Variants in GLIS3 observed in about 807,000 individuals in gnomAD.
GLIS3 encodes the protein GLIS family zinc finger 3.
In GLIS3, 53 loss-of-function variants were observed where a neutral mutation model predicts 78.6. The ratio of observed to expected loss-of-function variants is 0.67; its 90% CI spans 0.54 to 0.85. The LOEUF (loss-of-function observed/expected upper bound fraction) is 0.85, where lower values mean the gene tolerates loss of function less well. GLIS3 is among the 40% of genes least tolerant of loss of function. The probability of loss-of-function intolerance (pLI) is 0.00; values close to 1 mark genes in which losing one functional copy is unlikely to be tolerated. For missense variants in GLIS3, 1,703 were observed against 1,231.1 expected, an observed-to-expected ratio of 1.38 and a Z score of -5.74; for synonymous variants, 684 against 509.9, an observed-to-expected ratio of 1.34 and a Z score of -4.60.
chr9:4,203,505 T>A (rs1235983637), intron 2 of GLIS3, among the ~76,000 whole-genome samples: 1 of 152,034 alleles, frequency 6.6e-6, no homozygotes, highest in Non-Finnish European at 1.5e-5. Context: ...TAAAATTAAA[T>A]TAAAATTAAA....
chr9:3,864,914 C>T (rs768922236), intron 8 of GLIS3, among the ~76,000 whole-genome samples: 6 of 152,302 alleles, frequency 3.9e-5, no homozygotes, highest in Non-Finnish European at 8.8e-5. Flanking sequence ...TAGGTCATTG[C>T]TGCTGAAGAA....
At chr9:4,410,326 A>T in the GLIS3 span, among the ~76,000 whole-genome samples, 1 of 152,192 alleles carries the variant, frequency 6.6e-6, no homozygotes, top group African/African-American at 2.4e-5. Context: ...AAAAAGCTAG[A>T]ACAACAGAGA....
chr9:4,037,547 A>C (rs1824426312), intron 4 of GLIS3, among the ~76,000 whole-genome samples: 1 of 147,380 alleles, frequency 6.8e-6, no homozygotes, highest in Non-Finnish European at 1.5e-5. Context: ...GTGTGCACAC[A>C]ACACACACAC....
chr9:4,285,905 A>G (rs753653503), intron 2 of GLIS3, 133 bp downstream of exon 2: 2 of 1,106,808 alleles, frequency 1.8e-6, no homozygotes, highest in Non-Finnish European at 2.7e-6. Context: ...CAAGCTATAT[A>G]TCATTATGAG....
chr9:4,267,856 C>G (rs1826153074), intron 2 of GLIS3, among the ~76,000 whole-genome samples: 1 of 152,236 alleles, frequency 6.6e-6, no homozygotes, highest in African/African-American at 2.4e-5. Flanking sequence ...GACAACGTTT[C>G]TACTAGGTAC....
In GLIS3 at chr9:3,829,456, T is replaced by C; in HGVS notation, c.2510A>G (p.His837Arg). The C allele has an allele frequency of 6.2e-7, 1 of 1,614,046 alleles. No homozygotes were observed. The highest frequency in any genetic ancestry group is 1.1e-5 in the South Asian group (1 of 91,078). ...YGQLQKFCPPHYPDSQRIVPP... is the reference protein window; with the variant it reads ...YGQLQKFCPPRYPDSQRIVPP... ...CACAATTCTCTGGGAATCGGGGTAG[T>C]GTGGGGGACAGAACTTCTGCAGCTG... The change falls in exon 10 of 11, where the codon CAC (histidine) becomes CGC (arginine). Residue 837 changes from histidine to arginine, a missense_variant. His to Arg is a conservative substitution (Grantham distance 29). Coordinates refer to ENST00000381971, the MANE Select transcript of GLIS3 (RefSeq NM_001042413.2).
At chr9:4,171,331 C>T (rs1402114212) in intron 2 of GLIS3, among the ~76,000 whole-genome samples, 10 of 152,020 alleles carry the variant, frequency 6.6e-5, no homozygotes, top group South Asian at 2.1e-4. Context: ...GTACCCAAGC[C>T]TAGTAATAAG....
chr9:4,012,454 A>C lies in GLIS3; in HGVS notation c.1711-75265T>G, dbSNP rs528724016. ...GGAAAAAAATAGACCCACACACACAAAAAAAACAGTCAATGATCATTTCTA... is the reference window on the plus strand; with the variant it reads ...GGAAAAAAATAGACCCACACACACACAAAAAACAGTCAATGATCATTTCTA... On this transcript the variant is annotated intron_variant, in intron 4 of 10. Coordinates refer to ENST00000381971, the MANE Select transcript of GLIS3 (RefSeq NM_001042413.2). Among the ~76,000 whole-genome samples, 18 of 152,268 alleles carry C rather than the reference A, an allele frequency of 1.2e-4. No individual in the cohort carries two copies. In the East Asian group the frequency reaches 3.3e-3, roughly 28 times the overall value.
At chr9:3,917,096 A>G (rs1374708754) in intron 6 of GLIS3, among the ~76,000 whole-genome samples, 43 of 152,252 alleles carry the variant, frequency 2.8e-4, no homozygotes, top group Admixed American at 2.7e-3. Context: ...GAACATTTAA[A>G]AGGCAAAAAT....
chr9:4,134,682 T>A (rs866234695), intron 2 of GLIS3, among the ~76,000 whole-genome samples: 2 of 152,204 alleles, frequency 1.3e-5, no homozygotes, highest in Non-Finnish European at 2.9e-5. Flanking sequence ...TGAGCCATAA[T>A]GGGGAGAATG....
At chr9:4,435,947 T>TCA in the GLIS3 span, among the ~76,000 whole-genome samples, 1 of 151,248 alleles carries the variant, frequency 6.6e-6, no homozygotes, top group Non-Finnish European at 1.5e-5. Flanking sequence ...AGACTCCGTC[T>TCA]CAAAACAAAA....
At chr9:4,352,994 T>C (rs1458092553), upstream of GLIS3, among the ~76,000 whole-genome samples, 1 of 152,018 alleles carries the variant, frequency 6.6e-6, no homozygotes, top group Admixed American at 6.6e-5. Context: ...CAGACCTCAG[T>C]GGTTTTTTGG....
At chr9:4,338,301 G>A (rs919694946) in intron 2 of GLIS3, among the ~76,000 whole-genome samples, 2 of 151,914 alleles carry the variant, frequency 1.3e-5, no homozygotes, top group African/African-American at 4.8e-5. Flanking sequence ...TACTGAATGA[G>A]ACTTTCTGGT....
chr9:4,123,289 T>C (rs1171867697), intron 3 of GLIS3, among the ~76,000 whole-genome samples: 1 of 152,196 alleles, frequency 6.6e-6, no homozygotes, highest in African/African-American at 2.4e-5. Context: ...GAATGGTGTA[T>C]TAGAAAACAG....
chr9:4,335,619 C>A (rs1817744530), intron 2 of GLIS3, among the ~76,000 whole-genome samples: 1 of 152,166 alleles, frequency 6.6e-6, no homozygotes, highest in Non-Finnish European at 1.5e-5. Flanking sequence ...TGGCATCTCA[C>A]CTGTAGTACC....
intron 4 of GLIS3, among the ~76,000 whole-genome samples, chr9:4,037,547 AACACAC>A (rs56254712): frequency 0.01 from 1,502 of 147,452 alleles, 17 homozygotes; most frequent in Non-Finnish European, 0.013. Flanking sequence ...GTGTGCACAC[AACACAC>A]ACACACACAC....
the GLIS3 span, among the ~76,000 whole-genome samples, chr9:4,370,406 G>C: frequency 6.6e-6 from 1 of 151,876 alleles, no homozygotes; most frequent in Non-Finnish European, 1.5e-5. Context: ...CCAGTGTTGC[G>C]TGTTTCTTGG....
chr9:3,874,610 T>G (rs372051903), intron 8 of GLIS3, among the ~76,000 whole-genome samples: 1 of 152,038 alleles, frequency 6.6e-6, no homozygotes, highest in African/African-American at 2.4e-5. Flanking sequence ...TGGAACTGTG[T>G]CCTCAACCTG....
At chr9:4,310,244 T>C (rs984056314) in intron 3 of GLIS3, among the ~76,000 whole-genome samples, 1 of 152,230 alleles carries the variant, frequency 6.6e-6, no homozygotes, top group Non-Finnish European at 1.5e-5. Context: ...CTTACTGACA[T>C]GCTCATGTGG....
Sources: gnomAD v4.1 joint callset for allele counts (sites outside exome capture counted in the v4.1 genomes callset) on GRCh38, gnomAD v4.1.1 for gene constraint, MANE v1.5 for transcripts, NCBI Gene and HGNC (gene_info 2026-07-23, HGNC 2026-07-21) for gene names.